TBCA: variants seen among roughly 807,000 people sequenced by gnomAD.
TBCA encodes tubulin folding cofactor A.
A neutral mutation model predicts 15.8 loss-of-function variants in TBCA; 6 were observed. The observed-to-expected ratio is 0.38, with a 90% CI of 0.21 to 0.75. The LOEUF (loss-of-function observed/expected upper bound fraction) is 0.75, where lower values mean the gene tolerates loss of function less well. TBCA is among the 30% of genes least tolerant of loss of function. The probability of loss-of-function intolerance (pLI) is 0.46; values close to 1 mark genes in which losing one functional copy is unlikely to be tolerated. For synonymous variants in TBCA, 32 were observed against 42.3 expected, an observed-to-expected ratio of 0.76 and a Z score of 0.94; for missense variants, 90 against 131.2, an observed-to-expected ratio of 0.69 and a Z score of 1.53.
At chr5:77,711,808 G>A (rs1415769248) in intron 1 of TBCA, among the ~76,000 whole-genome samples, 1 of 152,138 alleles carries the variant, frequency 6.6e-6, no homozygotes, top group Admixed American at 6.6e-5. Context: ...CAACATTAAA[G>A]AGTTACTTAA....
intron 1 of TBCA, among the ~76,000 whole-genome samples, chr5:77,737,776 A>G (rs1406948553): frequency 1.3e-5 from 2 of 152,082 alleles, no homozygotes; most frequent in Non-Finnish European, 1.5e-5. Context: ...AAAATGTTTA[A>G]AAGTTGGCTT....
Position 77,693,254 on chromosome 5 carries a change from G to A in TBCA, c.246+12C>T. 2 of 1,613,446 alleles carry A rather than the reference G, an allele frequency of 1.2e-6. No individual in the cohort carries two copies. Among genetic ancestry groups the A allele is most frequent in the South Asian group, 1.1e-5 (1 of 90,904 alleles). Reference sequence around the variant, plus strand: ...AAAAAAATTTAAACATGACACAGAAGTCTTTGCTTACTAGTATCCGTTGAA... The same window carrying A: ...AAAAAAATTTAAACATGACACAGAAATCTTTGCTTACTAGTATCCGTTGAA... On this transcript the variant is annotated intron_variant, in intron 3 of 3. Transcript: ENST00000380377.
At chr5:77,764,255 A>T (rs559460308) in intron 1 of TBCA, among the ~76,000 whole-genome samples, 3 of 152,364 alleles carry the variant, frequency 2.0e-5, no homozygotes, top group African/African-American at 7.2e-5. Context: ...TGGGGGTAAT[A>T]GCACAAAATT....
chr5:77,776,205 C>A lies in TBCA; in HGVS notation c.53G>T (p.Arg18Leu). Residue 18 changes from arginine (R) to leucine (L), a missense_variant and splice_region_variant, in exon 1 of 4, where the codon CGG becomes CTG. Physicochemically the swap from Arg to Leu is moderately radical, Grantham distance 102 (BLOSUM62 -2). Coordinates refer to ENST00000380377, the MANE Select transcript of TBCA (RefSeq NM_004607.3). ...CAGGGCGCCGCTCCCGGCTCCTTACCGCTTCACCACGCCGGTCTTGATCTT... is the reference window on the plus strand; with the variant it reads ...CAGGGCGCCGCTCCCGGCTCCTTACAGCTTCACCACGCCGGTCTTGATCTT... ...QIKIKTGVVK[R>L]LVKEKVMYEK... is the part of the protein sequence containing the mutation. The A allele has an allele frequency of 1.3e-6, 2 of 1,565,934 alleles. No homozygotes were observed. Among genetic ancestry groups the A allele is most frequent in the South Asian group, 1.2e-5 (1 of 85,040 alleles).
intron 2 of TBCA, chr5:77,705,555 G>A (rs1158951302): frequency 5.0e-6 from 2 of 398,442 alleles, no homozygotes; most frequent in Non-Finnish European, 8.8e-6. Context: ...GGCCAGGTAG[G>A]GGGGACTCAC....
chr5:77,770,470 T>C (rs543399457), intron 1 of TBCA, among the ~76,000 whole-genome samples: 2 of 152,312 alleles, frequency 1.3e-5, no homozygotes, highest in South Asian at 4.1e-4. Context: ...CATTCCAGTT[T>C]GCCTGGGACT....
chr5:77,742,517 T>C (rs1157206573), intron 1 of TBCA, among the ~76,000 whole-genome samples: 1 of 152,260 alleles, frequency 6.6e-6, no homozygotes, highest in Non-Finnish European at 1.5e-5. Context: ...ACATTTTTTA[T>C]TGTAAAGAAA....
At chr5:77,729,667 A>G (rs1200825972) in intron 1 of TBCA, among the ~76,000 whole-genome samples, 3 of 152,246 alleles carry the variant, frequency 2.0e-5, no homozygotes, top group Admixed American at 2.0e-4. Flanking sequence ...TGAAGGAGAC[A>G]GGATGATCTC....
At chr5:77,747,150 C>A (rs747240775) in intron 1 of TBCA, among the ~76,000 whole-genome samples, 4 of 151,726 alleles carry the variant, frequency 2.6e-5, no homozygotes, top group Non-Finnish European at 5.9e-5. Context: ...ACTTACCAGC[C>A]AAATCTCTAA....
At chr5:77,710,633 T>C (rs1188767137) in intron 1 of TBCA, among the ~76,000 whole-genome samples, 1 of 152,194 alleles carries the variant, frequency 6.6e-6, no homozygotes, top group South Asian at 2.1e-4. Context: ...TCAGGAAACA[T>C]GAGGGCTGCA....
chr5:77,739,524 C>G (rs1447169885), intron 1 of TBCA, among the ~76,000 whole-genome samples: 4 of 152,160 alleles, frequency 2.6e-5, no homozygotes, highest in African/African-American at 9.7e-5. Context: ...TGGATCCTTC[C>G]TCTTCCCTGC....
At chr5:77,756,954 G>T (rs780620061) in intron 1 of TBCA, among the ~76,000 whole-genome samples, 1 of 152,134 alleles carries the variant, frequency 6.6e-6, no homozygotes, top group Non-Finnish European at 1.5e-5. Context: ...ACCAAAGATG[G>T]CAAAAGGGGT....
At chr5:77,696,627 T>A (rs1580088895) in intron 2 of TBCA, among the ~76,000 whole-genome samples, 3 of 152,278 alleles carry the variant, frequency 2.0e-5, no homozygotes, top group African/African-American at 7.2e-5. Flanking sequence ...AACATTAATT[T>A]AAAAAATCAG....
chr5:77,697,011 A>G (rs953961193), intron 2 of TBCA, among the ~76,000 whole-genome samples: 1 of 152,220 alleles, frequency 6.6e-6, no homozygotes, highest in African/African-American at 2.4e-5. Context: ...GGGATGTTAC[A>G]TTATCATAAA....
rs139788816 is a variant in TBCA, at chr5:77,734,978, G to C, written c.54-26631C>G. On this transcript the variant is annotated intron_variant, in intron 1 of 3. Coordinates refer to ENST00000380377, the MANE Select transcript of TBCA (RefSeq NM_004607.3). ...TGTTAGGTATTTTTCTAACAATAAA[G>C]TGTTTTTAAATTATGGTATGTACAT... Among the ~76,000 whole-genome samples the C allele has an allele frequency of 1.7e-3, 258 of 152,308 alleles. 5 individuals are homozygous for C. The East Asian group carries it at 0.043, about 25-fold the overall frequency.
intron 2 of TBCA, among the ~76,000 whole-genome samples, chr5:77,701,222 A>C (rs997374846): frequency 3.9e-5 from 6 of 152,154 alleles, no homozygotes; most frequent in Non-Finnish European, 7.4e-5. Flanking sequence ...CAAGAAAAAA[A>C]CAAACAATCC....
chr5:77,744,250 A>G (rs1747117198), intron 1 of TBCA, among the ~76,000 whole-genome samples: 1 of 152,112 alleles, frequency 6.6e-6, no homozygotes, highest in Admixed American at 6.5e-5. Flanking sequence ...AACATGGGCA[A>G]TTGTGACAAT....
At chr5:77,761,355 A>C (rs943563777) in intron 1 of TBCA, among the ~76,000 whole-genome samples, 1 of 152,176 alleles carries the variant, frequency 6.6e-6, no homozygotes, top group African/African-American at 2.4e-5. Flanking sequence ...GTGCTCTCTG[A>C]AACATGTGCT....
chr5:77,715,081 G>A (rs1057453894), intron 1 of TBCA: 3 of 585,704 alleles, frequency 5.1e-6, no homozygotes, highest in Non-Finnish European at 9.1e-6. Flanking sequence ...ATTTAAAATA[G>A]GATTGTCTCT....
Sources: gnomAD v4.1 joint callset for allele counts (sites outside exome capture counted in the v4.1 genomes callset) on GRCh38, gnomAD v4.1.1 for gene constraint, MANE v1.5 for transcripts, NCBI Gene and HGNC (gene_info 2026-07-23, HGNC 2026-07-21) for gene names.